Variants in MSRB3 observed in about 807,000 individuals in gnomAD.
MSRB3 encodes the protein methionine-R-sulfoxide reductase B3.
MSRB3 carries 13 observed loss-of-function variants against 21.0 expected under a neutral mutation model. The observed-to-expected ratio is 0.62, with a 90% CI of 0.40 to 0.98. The LOEUF (loss-of-function observed/expected upper bound fraction) is 0.98. Among genes scored for constraint, MSRB3 ranks in the 50% least tolerant of loss-of-function variants. MSRB3 has a pLI of 0.00. For missense variants in MSRB3, 199 were observed against 230.3 expected (o/e 0.86, Z 0.88); for synonymous variants, 87 against 88.6 (o/e 0.98, Z 0.10).
intron 1 of MSRB3, among the ~76,000 whole-genome samples, chr12:65,281,490 G>C (rs1872017650): frequency 6.6e-6 from 1 of 152,078 alleles, no homozygotes; most frequent in Non-Finnish European, 1.5e-5. Context: ...TGATGGGTGT[G>C]GTCCAGTGTT....
chr12:65,329,707 GAAAT>G (rs1196026866), intron 4 of MSRB3, among the ~76,000 whole-genome samples: 4 of 151,772 alleles, frequency 2.6e-5, no homozygotes, highest in Non-Finnish European at 5.9e-5. Context: ...TTTCTTAGGG[GAAAT>G]AAATAAACAA....
intron 5 of MSRB3, among the ~76,000 whole-genome samples, chr12:65,383,328 A>C (rs1879041051): frequency 6.6e-6 from 1 of 152,188 alleles, no homozygotes; most frequent in Non-Finnish European, 1.5e-5. Flanking sequence ...GTGTAGAAAT[A>C]TACTAATGGT....
intron 5 of MSRB3, among the ~76,000 whole-genome samples, chr12:65,409,129 T>C (rs1242456719): frequency 6.6e-6 from 1 of 150,874 alleles, no homozygotes; most frequent in African/African-American, 2.4e-5. Context: ...TATATATATA[T>C]ACACAAAATA....
At chr12:65,445,879 A>C (rs1311303637) in intron 5 of MSRB3, among the ~76,000 whole-genome samples, 2 of 152,088 alleles carry the variant, frequency 1.3e-5, no homozygotes, top group African/African-American at 4.8e-5. Context: ...TCCTGACCTT[A>C]GGTGATCCAC....
At chr12:65,295,721 T>C (rs951453491) in intron 1 of MSRB3, among the ~76,000 whole-genome samples, 1 of 152,302 alleles carries the variant, frequency 6.6e-6, no homozygotes, top group East Asian at 1.9e-4. Context: ...GTAAAATTCC[T>C]ATATAGAATA....
chr12:65,304,358 TTC>T (rs1166891219), intron 1 of MSRB3, among the ~76,000 whole-genome samples: 1 of 152,230 alleles, frequency 6.6e-6, no homozygotes, highest in Non-Finnish European at 1.5e-5. Flanking sequence ...TCTAATTCTG[TTC>T]TTAACACATA....
At chr12:65,454,343 A>T (rs1180133066) in intron 6 of MSRB3, 1 of 152,050 alleles carries the variant, frequency 6.6e-6, no homozygotes, top group African/African-American at 2.4e-5. Context: ...AATGTCAGTT[A>T]TTGGCTTCAC....
intron 2 of MSRB3, among the ~76,000 whole-genome samples, chr12:65,325,292 G>A (rs1218388721): frequency 6.6e-6 from 1 of 152,166 alleles, no homozygotes; most frequent in East Asian, 1.9e-4. Context: ...ATAAGACGGG[G>A]TCCAGTGAGA....
chr12:65,281,030 CGGCCT>C (rs1871985432), intron 1 of MSRB3, among the ~76,000 whole-genome samples: 2 of 151,888 alleles, frequency 1.3e-5, no homozygotes, highest in African/African-American at 4.8e-5. Context: ...AGTTCGAGAC[CGGCCT>C]GGTCAACATA....
chr12:65,382,356 T>TCTAA (rs34732604), intron 5 of MSRB3, among the ~76,000 whole-genome samples: 138,312 of 151,770 alleles, frequency 0.91, 63,975 homozygotes, highest in Non-Finnish European at 0.99. Flanking sequence ...GGAGTTTTAT[T>TCTAA]CTTAGATTTA....
intron 5 of MSRB3, among the ~76,000 whole-genome samples, chr12:65,452,505 A>C (rs975597421): frequency 6.6e-6 from 1 of 152,142 alleles, no homozygotes; most frequent in African/African-American, 2.4e-5. Flanking sequence ...AGTATGTCTC[A>C]GCATAATTAA....
At position 65,353,932 on chromosome 12, in the gene MSRB3, A is replaced by T. The variant is rs550932241; in HGVS notation, c.264-15066A>T. Among the ~76,000 whole-genome samples the T allele has an allele frequency of 2.0e-5, 3 of 151,910 alleles. No homozygotes were observed. In the South Asian group the frequency reaches 6.2e-4, roughly 32 times the overall value. ...TTAGGGCAGGCCTGGTGGTGACAAA[A>T]TCTCTCAGCATTTGCTTGTCTGTAA... is the stretch of plus-strand genomic sequence containing the variant. On this transcript the variant is annotated intron_variant, in intron 4 of 6. Transcript: ENST00000308259.
At chr12:65,286,749 G>C (rs1872374261) in intron 1 of MSRB3, 1 of 151,094 alleles carries the variant, frequency 6.6e-6, no homozygotes, top group African/African-American at 2.4e-5. Context: ...AGGCACAGTA[G>C]TTCATGCCTG....
chr12:65,459,095 T>A (rs1883210759), intron 6 of MSRB3, among the ~76,000 whole-genome samples: 1 of 144,804 alleles, frequency 6.9e-6, no homozygotes, highest in Non-Finnish European at 1.6e-5. Context: ...GACTAATAAA[T>A]CACTTAACTT....
intron 4 of MSRB3, among the ~76,000 whole-genome samples, chr12:65,331,202 T>G (rs1430868497): frequency 6.6e-6 from 1 of 152,180 alleles, no homozygotes; most frequent in African/African-American, 2.4e-5. Flanking sequence ...GAAGCATGTA[T>G]CAGTCAGCAC....
intron 5 of MSRB3, among the ~76,000 whole-genome samples, chr12:65,403,162 C>G (rs978756778): frequency 2.0e-5 from 3 of 152,234 alleles, no homozygotes; most frequent in Non-Finnish European, 2.9e-5. Flanking sequence ...CTCTTCAGAG[C>G]TGGCAGGCAG....
At chr12:65,403,072 G>A (rs1461018410) in intron 5 of MSRB3, among the ~76,000 whole-genome samples, 2 of 152,340 alleles carry the variant, frequency 1.3e-5, no homozygotes, top group African/African-American at 4.8e-5. Flanking sequence ...CCAGTCAGGA[G>A]GCACAGAGTT....
chr12:65,379,789 G>C (rs577609739), intron 5 of MSRB3, among the ~76,000 whole-genome samples: 7 of 152,226 alleles, frequency 4.6e-5, no homozygotes, highest in African/African-American at 1.7e-4. Flanking sequence ...AGCAGTCTTG[G>C]TTTCTAATAT....
At chr12:65,403,544 C>T (rs1364005233) in intron 5 of MSRB3, among the ~76,000 whole-genome samples, 1 of 152,172 alleles carries the variant, frequency 6.6e-6, no homozygotes, top group African/African-American at 2.4e-5. Flanking sequence ...TGCTGGGCTC[C>T]ATTGGGGTGA....
Sources: allele counts gnomAD v4.1 joint callset (sites outside exome capture counted in the v4.1 genomes callset), GRCh38; gene constraint gnomAD v4.1.1; transcripts MANE v1.5; gene names NCBI Gene and HGNC (gene_info 2026-07-23, HGNC 2026-07-21).